CDKAL1: variants seen among roughly 807,000 people sequenced by gnomAD.
CDKAL1 encodes threonylcarbamoyladenosine tRNA methylthiotransferase.
Under a neutral mutation model 68.2 loss-of-function variants are expected in CDKAL1, and 32 were observed. The observed-to-expected ratio is 0.47, with a 90% CI of 0.35 to 0.63. The LOEUF (loss-of-function observed/expected upper bound fraction) is 0.63, where lower values mean the gene tolerates loss of function less well. Ranked by LOEUF, CDKAL1 falls within the 30% of genes least tolerant of loss-of-function variation. CDKAL1 has a pLI of 0.00. For missense variants in CDKAL1, 606 were observed against 696.7 expected (o/e 0.87, Z 1.47); for synonymous variants, 234 against 244.3 (o/e 0.96, Z 0.39).
rs888222542 is a variant in CDKAL1 at position 20,541,731 on chromosome 6, G to C, written c.-5-4615G>C. On this transcript the variant is annotated intron_variant, in intron 2 of 15. Transcript: ENST00000274695. ...GCTGGAGTGCAATGGCGCGATCTCG[G>C]CTAACCAAAACCTCTGCCTCCCGGG... Among the ~76,000 whole-genome samples the C allele has an allele frequency of 2.6e-4, 39 of 152,126 alleles. 1 individual carries two copies. Among genetic ancestry groups the C allele is most frequent in the African/African-American group, 9.4e-4 (39 of 41,404 alleles).
intron 10 of CDKAL1, among the ~76,000 whole-genome samples, chr6:20,960,259 A>G (rs1360658407): frequency 2.6e-5 from 4 of 152,136 alleles, no homozygotes; most frequent in African/African-American, 4.8e-5. Context: ...TGGGACTACA[A>G]ACATACACCA....
rs141804157 is a variant in CDKAL1, at chr6:21,127,016, G to A, written c.1299+18553G>A. Among the ~76,000 whole-genome samples the A allele has an allele frequency of 5.7e-3, 861 of 152,238 alleles. 7 individuals carry two copies. The highest frequency in any genetic ancestry group is 0.02 in the African/African-American group (815 of 41,552). On this transcript the variant is annotated intron_variant, in intron 13 of 15. Coordinates refer to ENST00000274695, the MANE Select transcript of CDKAL1 (RefSeq NM_017774.3). Reference sequence around the variant, plus strand: ...CCACACTCTTCTTACTTTCAAATACGAAGAAGAGAGATGGCATCTGTCCTG... The same window carrying A: ...CCACACTCTTCTTACTTTCAAATACAAAGAAGAGAGATGGCATCTGTCCTG...
At chr6:20,648,346 T>G (rs1405559500) in intron 4 of CDKAL1, among the ~76,000 whole-genome samples, 1 of 151,978 alleles carries the variant, frequency 6.6e-6, no homozygotes, top group African/African-American at 2.4e-5. Context: ...GCCCAACTGG[T>G]CTTGAACTAC....
chr6:20,681,150 T>G (rs529787470), intron 5 of CDKAL1, among the ~76,000 whole-genome samples: 1 of 152,254 alleles, frequency 6.6e-6, no homozygotes, highest in African/African-American at 2.4e-5. Flanking sequence ...GTTTCACTGT[T>G]GTGAATGCAT....
chr6:20,594,768 A>G (rs1765746976), intron 4 of CDKAL1, among the ~76,000 whole-genome samples: 1 of 152,172 alleles, frequency 6.6e-6, no homozygotes. Flanking sequence ...CAATTTCTTC[A>G]TAGCATTGAT....
chr6:20,937,860 GTTT>G (rs34741537), intron 9 of CDKAL1, among the ~76,000 whole-genome samples: 1 of 141,002 alleles, frequency 7.1e-6, no homozygotes, highest in Non-Finnish European at 1.6e-5. Context: ...CTGTGAGGTG[GTTT>G]TTTTTTTTTT....
chr6:21,063,987 T>C (rs1771281677), intron 11 of CDKAL1, among the ~76,000 whole-genome samples: 1 of 152,214 alleles, frequency 6.6e-6, no homozygotes, highest in South Asian at 2.1e-4. Flanking sequence ...ATAAAGTTAA[T>C]ATCTTAAAAG....
At chr6:20,799,054 T>G (rs1214753072) in intron 8 of CDKAL1, among the ~76,000 whole-genome samples, 1 of 119,506 alleles carries the variant, frequency 8.4e-6, no homozygotes, top group Non-Finnish European at 1.7e-5. Flanking sequence ...TTTTTTTTTT[T>G]TTTTTTTTTT....
chr6:20,569,539 A>G (rs1435517984), intron 4 of CDKAL1, among the ~76,000 whole-genome samples: 1 of 152,186 alleles, frequency 6.6e-6, no homozygotes, highest in Non-Finnish European at 1.5e-5. Flanking sequence ...GGACCACCTG[A>G]TAAGTCTAAG....
intron 13 of CDKAL1, among the ~76,000 whole-genome samples, chr6:21,151,072 G>T (rs574142942): frequency 6.6e-6 from 1 of 152,124 alleles, no homozygotes; most frequent in African/African-American, 2.4e-5. Flanking sequence ...GAGAGAAAAG[G>T]TTATATGCTT....
At chr6:20,613,072 G>A (rs539817686) in intron 4 of CDKAL1, among the ~76,000 whole-genome samples, 42 of 129,432 alleles carry the variant, frequency 3.2e-4, no homozygotes, top group South Asian at 7.8e-4. Context: ...AAGAATAAAT[G>A]TACACACACA....
chr6:20,839,480 A>G (rs981655563), intron 8 of CDKAL1, among the ~76,000 whole-genome samples: 4 of 152,224 alleles, frequency 2.6e-5, no homozygotes, highest in Non-Finnish European at 5.9e-5. Context: ...GTGACATCCC[A>G]GCATCGGAAA....
chr6:20,715,890 T>A (rs1279216324), intron 5 of CDKAL1, among the ~76,000 whole-genome samples: 1 of 152,228 alleles, frequency 6.6e-6, no homozygotes, highest in Non-Finnish European at 1.5e-5. Flanking sequence ...AAATTGGATC[T>A]GGGATAGAAT....
chr6:21,224,226 T>C (rs1779644691), intron 15 of CDKAL1, among the ~76,000 whole-genome samples: 1 of 152,312 alleles, frequency 6.6e-6, no homozygotes, highest in South Asian at 2.1e-4. Flanking sequence ...ATAAGGATCT[T>C]GGAATGAGAG....
intron 13 of CDKAL1, among the ~76,000 whole-genome samples, chr6:21,124,484 C>T (rs1008626773): frequency 3.9e-5 from 6 of 152,022 alleles, no homozygotes; most frequent in African/African-American, 1.5e-4. Flanking sequence ...GAATTCATCA[C>T]TGTATTTATT....
At chr6:20,791,355 G>A (rs762701012) in intron 8 of CDKAL1, among the ~76,000 whole-genome samples, 3 of 152,138 alleles carry the variant, frequency 2.0e-5, no homozygotes, top group African/African-American at 4.8e-5. Flanking sequence ...TCAGGCTTAC[G>A]TAGACTGCTA....
intron 15 of CDKAL1, among the ~76,000 whole-genome samples, chr6:21,208,418 C>G (rs1779023255): frequency 6.6e-6 from 1 of 152,048 alleles, no homozygotes. Context: ...TAGTTCAAGG[C>G]CAGATTTGAA....
At position 20,539,188 on chromosome 6, in the gene CDKAL1, G is replaced by A. The variant is rs1763293406; in HGVS notation, c.-6+3794G>A. On this transcript the variant is annotated intron_variant, in intron 2 of 15. Coordinates refer to ENST00000274695, the MANE Select transcript of CDKAL1 (RefSeq NM_017774.3). This position sits in a 1 kb window ranked among gnomAD's most constrained non-coding sequence, Gnocchi z 4.3. ...TCTGGGGGCTGATATTCTGGCAGAG[G>A]AATAGCAATTATGAAGGCTCCCGAG... Among the ~76,000 whole-genome samples the A allele has an allele frequency of 6.6e-6, 1 of 152,118 alleles. No individual in the cohort carries two copies. The highest frequency in any genetic ancestry group is 1.5e-5 in the Non-Finnish European group (1 of 68,016).
chr6:20,612,990 T>TACACACACACAC lies in CDKAL1; in HGVS notation c.287-36259_287-36248dup, dbSNP rs55999857. On this transcript the variant is annotated intron_variant, in intron 4 of 15. Coordinates refer to ENST00000274695, the MANE Select transcript of CDKAL1 (RefSeq NM_017774.3). ...TGAAGAAACTCATTGTTGCAATTTCTACACACACACACACACACACACACA... is the reference window on the plus strand; with the variant it reads ...TGAAGAAACTCATTGTTGCAATTTCTACACACACACACACACACACACACACACACACACACA... 8.0e-4 allele frequency among the ~76,000 whole-genome samples: 104 copies of TACACACACACAC among 130,052 alleles called. 1 individual carries two copies. Among genetic ancestry groups the TACACACACACAC allele is most frequent in the East Asian group, 7.1e-3 (32 of 4,500 alleles). 85.3% of individuals were successfully genotyped at this position (130,052 alleles called of 152,430 possible).
Sources: allele counts gnomAD v4.1 joint callset (sites outside exome capture counted in the v4.1 genomes callset), GRCh38; gene constraint gnomAD v4.1.1; non-coding constraint Gnocchi (gnomAD v3.1); transcripts MANE v1.5; gene names NCBI Gene and HGNC (gene_info 2026-07-23, HGNC 2026-07-21).